QTMAN: variants seen among roughly 807,000 people sequenced by gnomAD.
QTMAN encodes queuosine-tRNA mannosyltransferase, also known as tRNA-queuosine alpha-mannosyltransferase.
the QTMAN span, among the ~76,000 whole-genome samples, chr2:144,146,606 A>G: frequency 6.6e-6 from 1 of 151,838 alleles, no homozygotes; most frequent in Non-Finnish European, 1.5e-5. Context: ...AGAGACATAC[A>G]CAAAACATTA....
chr2:143,969,372 T>G, the QTMAN span, among the ~76,000 whole-genome samples: 1 of 152,318 alleles, frequency 6.6e-6, no homozygotes, highest in East Asian at 1.9e-4. Context: ...AATTATAAAT[T>G]TCTTGAGAGC....
the QTMAN span, among the ~76,000 whole-genome samples, chr2:144,225,600 T>C: frequency 9.4e-4 from 143 of 152,270 alleles, no homozygotes; most frequent in African/African-American, 3.3e-3. Flanking sequence ...TCCATACACA[T>C]TCCTACCTGC....
chr2:144,042,950 T>C, the QTMAN span, among the ~76,000 whole-genome samples: 7 of 152,126 alleles, frequency 4.6e-5, no homozygotes, highest in Non-Finnish European at 1.5e-5. Context: ...AAAAGCCATC[T>C]GTCCACTAAG....
chr2:144,153,420 T>C, the QTMAN span, among the ~76,000 whole-genome samples: 1 of 152,076 alleles, frequency 6.6e-6, no homozygotes, highest in East Asian at 1.9e-4. Context: ...ATAAAACCAG[T>C]TCCTTTAGGC....
At chr2:143,951,184 T>C in the QTMAN span, among the ~76,000 whole-genome samples, 1 of 151,592 alleles carries the variant, frequency 6.6e-6, no homozygotes, top group Non-Finnish European at 1.5e-5. Flanking sequence ...ATGTAAACTA[T>C]ACTGGAGTTA....
chr2:144,141,805 C>T, the QTMAN span: 4 of 1,083,170 alleles, frequency 3.7e-6, no homozygotes, highest in Admixed American at 2.2e-5. Flanking sequence ...TTAAAACTGG[C>T]ATGAAGAACA....
the QTMAN span, among the ~76,000 whole-genome samples, chr2:144,231,781 T>A: frequency 1.3e-5 from 2 of 151,942 alleles, no homozygotes; most frequent in Non-Finnish European, 2.9e-5. Flanking sequence ...AAAGTGTATT[T>A]AAAGTCACTG....
At chr2:144,257,679 C>G in the QTMAN span, among the ~76,000 whole-genome samples, 387 of 152,158 alleles carry the variant, frequency 2.5e-3, 1 homozygote, top group Non-Finnish European at 4.5e-3. Context: ...TCATTTAACC[C>G]CTCTCCCTAA....
chr2:144,225,505 A>G, the QTMAN span, among the ~76,000 whole-genome samples: 1 of 152,160 alleles, frequency 6.6e-6, no homozygotes, highest in Non-Finnish European at 1.5e-5. Flanking sequence ...ATTTGGTTCC[A>G]AGCTCCATTC....
At chr2:144,004,396 T>A in the QTMAN span, among the ~76,000 whole-genome samples, 1 of 152,066 alleles carries the variant, frequency 6.6e-6, no homozygotes, top group Non-Finnish European at 1.5e-5. Context: ...TAGCTGGGGA[T>A]GTTTGATGAA....
At chr2:144,138,568 TG>T in the QTMAN span, among the ~76,000 whole-genome samples, 3 of 152,202 alleles carry the variant, frequency 2.0e-5, no homozygotes, top group East Asian at 3.9e-4. Context: ...TCCTTGAGTA[TG>T]TGGGATGGAT....
chr2:144,137,751 G>C, the QTMAN span, among the ~76,000 whole-genome samples: 1 of 152,016 alleles, frequency 6.6e-6, no homozygotes, highest in Non-Finnish European at 1.5e-5. Context: ...ATGCGCGTCA[G>C]AGACAGACAG....
At chr2:144,291,565 C>A in the QTMAN span, among the ~76,000 whole-genome samples, 5 of 152,210 alleles carry the variant, frequency 3.3e-5, no homozygotes, top group African/African-American at 4.8e-5. Flanking sequence ...TAACTCTTCA[C>A]AATCAAATCA....
the QTMAN span, among the ~76,000 whole-genome samples, chr2:143,991,205 A>T: frequency 6.6e-6 from 1 of 152,232 alleles, no homozygotes; most frequent in Non-Finnish European, 1.5e-5. Flanking sequence ...ATTATGGTAA[A>T]TGTTTTCCAG....
At chr2:144,170,316 G>A in the QTMAN span, among the ~76,000 whole-genome samples, 1 of 152,124 alleles carries the variant, frequency 6.6e-6, no homozygotes, top group African/African-American at 2.4e-5. Flanking sequence ...CCTGGATGCT[G>A]GCAGCAGACA....
the QTMAN span, among the ~76,000 whole-genome samples, chr2:143,967,451 C>T: frequency 1.2e-4 from 18 of 152,196 alleles, no homozygotes; most frequent in African/African-American, 4.3e-4. Context: ...CAGCCTCAGC[C>T]TCCCAAGTTG....
chr2:144,312,343 C>G, the QTMAN span, among the ~76,000 whole-genome samples: 1 of 152,074 alleles, frequency 6.6e-6, no homozygotes. Flanking sequence ...GAAATACACT[C>G]TTAGGCTAAC....
chr2:144,119,516 T>C, the QTMAN span, among the ~76,000 whole-genome samples: 1 of 152,208 alleles, frequency 6.6e-6, no homozygotes, highest in Non-Finnish European at 1.5e-5. Context: ...ATACAGATTG[T>C]GCACATTACA....
chr2:143,986,792 A>C, the QTMAN span, among the ~76,000 whole-genome samples: 2 of 152,200 alleles, frequency 1.3e-5, no homozygotes, highest in African/African-American at 4.8e-5. Flanking sequence ...AAAAATATAC[A>C]CATGTATGTG....
Sources: allele counts gnomAD v4.1 joint callset (sites outside exome capture counted in the v4.1 genomes callset), GRCh38; gene constraint gnomAD v4.1.1; transcripts MANE v1.5; gene names NCBI Gene and HGNC (gene_info 2026-07-23, HGNC 2026-07-21).